Variants in CADM2 observed in about 807,000 individuals in gnomAD.
CADM2 encodes the protein immunoglobulin superfamily member 4D.
In CADM2, 12 loss-of-function variants were observed where a neutral mutation model predicts 49.8. The ratio of observed to expected loss-of-function variants is 0.24; its 90% CI spans 0.15 to 0.39. The LOEUF (loss-of-function observed/expected upper bound fraction) is 0.39. CADM2 is among the 10% of genes least tolerant of loss of function. The probability of loss-of-function intolerance (pLI) is 1.00; values close to 1 mark genes in which losing one functional copy is unlikely to be tolerated. For missense variants in CADM2, 378 were observed against 492.3 expected, an observed-to-expected ratio of 0.77 and a Z score of 2.20; for synonymous variants, 214 against 175.4, an observed-to-expected ratio of 1.22 and a Z score of -1.74.
intron 1 of CADM2, among the ~76,000 whole-genome samples, chr3:85,112,873 C>T (rs559136549): frequency 1.3e-5 from 2 of 151,636 alleles, no homozygotes; most frequent in African/African-American, 4.8e-5. Flanking sequence ...TTAAACAGCT[C>T]AGATAATATA....
At chr3:85,014,760 C>G (rs1405589084) in intron 1 of CADM2, among the ~76,000 whole-genome samples, 1 of 152,126 alleles carries the variant, frequency 6.6e-6, no homozygotes, top group Non-Finnish European at 1.5e-5. Flanking sequence ...AGCTTCGGTT[C>G]CTCCTAAAAT....
At chr3:86,060,265 T>C (rs939379300) in intron 8 of CADM2, among the ~76,000 whole-genome samples, 1 of 151,662 alleles carries the variant, frequency 6.6e-6, no homozygotes, top group Non-Finnish European at 1.5e-5. Context: ...ATATATAATC[T>C]GAGATTCTAC....
chr3:85,013,840 A>G (rs2034112456), intron 1 of CADM2, among the ~76,000 whole-genome samples: 1 of 147,618 alleles, frequency 6.8e-6, no homozygotes, highest in Admixed American at 6.8e-5. Context: ...ATATTAATAT[A>G]ATATTGTACT....
intron 1 of CADM2, among the ~76,000 whole-genome samples, chr3:85,155,928 C>A (rs532673185): frequency 1.3e-5 from 2 of 152,082 alleles, no homozygotes; most frequent in African/African-American, 2.4e-5. Flanking sequence ...ATCTCTGGGA[C>A]GCATTCAAAG....
chr3:85,562,218 T>G (rs2062114273), intron 1 of CADM2, among the ~76,000 whole-genome samples: 1 of 152,010 alleles, frequency 6.6e-6, no homozygotes, highest in Non-Finnish European at 1.5e-5. Context: ...AGTACTTCAC[T>G]CATGTAATCT....
At chr3:85,367,971 A>G (rs566745606) in intron 1 of CADM2, among the ~76,000 whole-genome samples, 34 of 152,078 alleles carry the variant, frequency 2.2e-4, no homozygotes, top group Admixed American at 4.6e-4. Flanking sequence ...GGAATAGTAT[A>G]TTCTCATTTC....
At chr3:85,291,039 T>A (rs2043778478) in intron 1 of CADM2, among the ~76,000 whole-genome samples, 1 of 152,190 alleles carries the variant, frequency 6.6e-6, no homozygotes, top group Admixed American at 6.5e-5. Flanking sequence ...GAAAACTTTT[T>A]AAAAAATTTA....
chr3:85,990,472 C>T (rs1353096780), intron 8 of CADM2, among the ~76,000 whole-genome samples: 1 of 152,086 alleles, frequency 6.6e-6, no homozygotes, highest in Non-Finnish European at 1.5e-5. Flanking sequence ...AATTTAGGCG[C>T]ATCTGTATGT....
intron 1 of CADM2, among the ~76,000 whole-genome samples, chr3:85,260,501 T>C (rs925329072): frequency 2.0e-5 from 3 of 152,128 alleles, no homozygotes; most frequent in East Asian, 3.9e-4. Context: ...ATGATGGCTT[T>C]ATTTGAATTT....
intron 5 of CADM2, among the ~76,000 whole-genome samples, chr3:85,892,716 T>TAGC (rs1270015938): frequency 1.3e-5 from 2 of 152,150 alleles, no homozygotes; most frequent in Non-Finnish European, 2.9e-5. Flanking sequence ...ATGTCTTTAT[T>TAGC]AGCAGCATGA....
chr3:86,022,580 G>A (rs1265869560), intron 8 of CADM2, among the ~76,000 whole-genome samples: 1 of 152,002 alleles, frequency 6.6e-6, no homozygotes, highest in Non-Finnish European at 1.5e-5. Flanking sequence ...CCTTGCTTTT[G>A]TCAAAACTGT....
At chr3:85,283,294 G>C (rs893261577) in intron 1 of CADM2, among the ~76,000 whole-genome samples, 2 of 151,040 alleles carry the variant, frequency 1.3e-5, no homozygotes, top group African/African-American at 4.9e-5. Context: ...ATTAATATTG[G>C]TAGTAGTAAT....
intron 1 of CADM2, among the ~76,000 whole-genome samples, chr3:85,405,197 A>G (rs890479513): frequency 5.9e-5 from 9 of 152,298 alleles, no homozygotes; most frequent in East Asian, 1.9e-4. Context: ...ACATATTACT[A>G]TACTTAGAAA....
At chr3:85,493,107 C>T (rs899989827) in intron 1 of CADM2, among the ~76,000 whole-genome samples, 3 of 151,932 alleles carry the variant, frequency 2.0e-5, no homozygotes, top group Non-Finnish European at 2.9e-5. Context: ...AAATTGGATA[C>T]GGCATATTGT....
chr3:85,126,781 A>C (rs1297945220), intron 1 of CADM2, among the ~76,000 whole-genome samples: 1 of 152,036 alleles, frequency 6.6e-6, no homozygotes, highest in Non-Finnish European at 1.5e-5. Flanking sequence ...GATTGATATC[A>C]TTTTTACTTA....
At chr3:85,492,892 T>C (rs1371673995) in intron 1 of CADM2, among the ~76,000 whole-genome samples, 1 of 152,114 alleles carries the variant, frequency 6.6e-6, no homozygotes, top group African/African-American at 2.4e-5. Context: ...TCAAGAATGG[T>C]AGGATTTGGG....
intron 1 of CADM2, among the ~76,000 whole-genome samples, chr3:85,268,659 AT>A (rs1261661527): frequency 2.0e-5 from 3 of 151,444 alleles, no homozygotes; most frequent in African/African-American, 7.3e-5. Context: ...ATTCAAAAAA[AT>A]GTAAGCAATT....
At chr3:85,870,869 A>G (rs972149832) in intron 3 of CADM2, among the ~76,000 whole-genome samples, 3 of 152,250 alleles carry the variant, frequency 2.0e-5, no homozygotes, top group East Asian at 3.9e-4. Context: ...TCTCCTTCTT[A>G]TACCATATAC....
At chr3:85,099,931 C>G (rs2037948788) in intron 1 of CADM2, among the ~76,000 whole-genome samples, 1 of 152,080 alleles carries the variant, frequency 6.6e-6, no homozygotes, top group Non-Finnish European at 1.5e-5. Context: ...TATCATGACT[C>G]ATTTAAAAAG....
Sources: gnomAD v4.1 joint callset for allele counts (sites outside exome capture counted in the v4.1 genomes callset) on GRCh38, gnomAD v4.1.1 for gene constraint, MANE v1.5 for transcripts, NCBI Gene and HGNC (gene_info 2026-07-23, HGNC 2026-07-21) for gene names.